VSIG4: variants seen among roughly 807,000 people sequenced by gnomAD.
The protein encoded by VSIG4 is V-set and immunoglobulin domain containing 4.
A neutral mutation model predicts 23.4 loss-of-function variants in VSIG4; 34 were observed. The ratio of observed to expected loss-of-function variants is 1.45; its 90% CI spans 1.10 to 1.93. The LOEUF is 1.93. Ranked by LOEUF, VSIG4 falls within the 30% of genes most tolerant of loss-of-function variation. The pLI, the probability that VSIG4 is intolerant of heterozygous loss-of-function variation, is 0.00. For missense variants in VSIG4, 433 were observed against 310.8 expected (o/e 1.39, Z -2.96); for synonymous variants, 169 against 120.3 (o/e 1.41, Z -2.65).
At chrX:66,039,910 A>G (rs2085663989) in intron 1 of VSIG4, 34 bp downstream of exon 1, 6 of 1,207,062 alleles carry the variant, frequency 5.0e-6, no homozygotes, top group Non-Finnish European at 6.7e-6. Context: ...TGCCTAAGCC[A>G]GCAATGGCAG....
At chrX:66,031,324 T>C (rs1395455405) in intron 3 of VSIG4, among the ~76,000 whole-genome samples, 1 of 109,868 alleles carries the variant, frequency 9.1e-6, no homozygotes, top group Non-Finnish European at 1.9e-5. Context: ...GACCAGACTG[T>C]CAGCTCTTAG....
At chrX:66,036,945 ATATAT>A (rs1438227732) in intron 1 of VSIG4, among the ~76,000 whole-genome samples, 1 of 33,513 alleles carries the variant, frequency 3.0e-5, no homozygotes. Flanking sequence ...ATATTATATG[ATATAT>A]TATATTATAT....
chrX:66,034,556 T>A (rs770480171), intron 1 of VSIG4, among the ~76,000 whole-genome samples: 2 of 112,129 alleles, frequency 1.8e-5, no homozygotes, highest in East Asian at 5.6e-4. Context: ...TTTTTTCTGA[T>A]TTCTTTTGTT....
rs188842426 is a variant in VSIG4 at position 66,025,263 on chromosome X, C to T, written c.836-134G>A. 4.4e-4 allele frequency: 187 copies of T among 420,496 alleles called. 3 individuals carry two copies. In the East Asian group the frequency reaches 7.6e-3, roughly 17 times the overall value. 34.7% of individuals were successfully genotyped at this position (420,496 alleles called of 1,213,427 possible). On this transcript the variant is annotated intron_variant, in intron 5 of 7. Transcript: ENST00000374737. Reference sequence around the variant, plus strand: ...ATATTCTCCTAACCTTCTTAGCTAGCCAGAGAGAAAAAACTCCAGTCCCAT... The same window carrying T: ...ATATTCTCCTAACCTTCTTAGCTAGTCAGAGAGAAAAAACTCCAGTCCCAT...
chrX:66,037,947 C>G (rs1395113797), intron 1 of VSIG4, among the ~76,000 whole-genome samples: 1 of 108,525 alleles, frequency 9.2e-6, no homozygotes, highest in East Asian at 2.9e-4. Context: ...TTCTAGGTCT[C>G]TTTCTGAATC....
Position 66,022,073 on chromosome X carries a change from C to G in VSIG4, c.*190G>C, listed in dbSNP as rs1348006178. Reference sequence around the variant, plus strand: ...ATACTAGAAGGGCCCAGAGCCAAATCCAGCAGCTGGCTTACTTGAGATGCA... The same window carrying G: ...ATACTAGAAGGGCCCAGAGCCAAATGCAGCAGCTGGCTTACTTGAGATGCA... On this transcript the variant is annotated 3_prime_UTR_variant, in exon 8 of 8. Coordinates refer to ENST00000374737, the MANE Select transcript of VSIG4 (RefSeq NM_007268.3). The G allele has an allele frequency of 1.7e-6, 2 of 1,163,417 alleles. No individual in the cohort carries two copies. The highest frequency in any genetic ancestry group is 3.6e-5 in the African/African-American group (2 of 55,667).
chrX:66,022,438 C>T lies in VSIG4; in HGVS notation c.1025G>A (p.Gly342Asp), dbSNP rs754990075. The T allele has an allele frequency of 2.5e-6, 3 of 1,210,797 alleles. No homozygotes were observed. The African/African-American group carries it at 5.2e-5, about 21-fold the overall frequency. The part of the protein sequence containing the change: ...ETMRVAIFAS[G>D]CSSDEPTSQN... ...GGAAGTTGGCTCATCACTGGAGCAG[C>T]CACTTGCGAAGATGGCCACCCTCAT... The change falls in exon 8 of 8, where the codon GGC becomes GAC. Residue 342 changes from glycine (G) to aspartate (D), a missense_variant. Transcript: ENST00000374737.
rs1241320943 is a variant in VSIG4 at position 66,040,057 on chromosome X, C to T, written c.-59G>A. 4.5e-5 allele frequency: 52 copies of T among 1,154,862 alleles called. No homozygotes were observed. In the South Asian group the frequency reaches 7.6e-4, roughly 17 times the overall value. ...CCTCCTGCTACCAAAGAGGCTCAAA[C>T]TTCTGGTGGCCGCCAGCGTCTGTGA... On this transcript the variant is annotated 5_prime_UTR_variant, in exon 1 of 8. Transcript: ENST00000374737.
intron 2 of VSIG4, 76 bp from the exon 3 acceptor site, chrX:66,032,825 T>G: frequency 9.4e-7 from 1 of 1,069,377 alleles, no homozygotes; most frequent in Non-Finnish European, 1.3e-6. Context: ...TCATTCTTGT[T>G]GGGCGTAAGG....
chrX:66,032,880 T>C, intron 2 of VSIG4, 131 bp from the exon 3 acceptor site: 3 of 716,763 alleles, frequency 4.2e-6, no homozygotes, highest in Non-Finnish European at 6.0e-6. Context: ...CTTCTGACTT[T>C]GGAGGAAATA....
At chrX:66,029,899 G>T (rs1405233577) in intron 3 of VSIG4, among the ~76,000 whole-genome samples, 1 of 111,469 alleles carries the variant, frequency 9.0e-6, no homozygotes, top group Non-Finnish European at 1.9e-5. Context: ...AATAAATACA[G>T]ATAATATTAT....
At chrX:66,029,253 A>ACCTTTTGAGAAAGGTTTACTT (rs1265503961) in intron 3 of VSIG4, among the ~76,000 whole-genome samples, 3 of 111,768 alleles carry the variant, frequency 2.7e-5, no homozygotes, top group East Asian at 2.8e-4. Flanking sequence ...AGAAGGTTAC[A>ACCTTTTGAGAAAGGTTTACTT]CCTTTTGAGA....
chrX:66,039,882 A>T, intron 1 of VSIG4, 62 bp downstream of exon 1: 2 of 1,183,066 alleles, frequency 1.7e-6, no homozygotes, highest in Middle Eastern at 2.3e-4. Context: ...GACATTAAAC[A>T]CCAACCCTCT....
chrX:66,033,795 C>T lies in VSIG4; in HGVS notation c.91G>A (p.Gly31Arg). ...AGATTCACATCCCCTTTCCAAGGTC[C>T]TGTTACACTCTCTGGCACTTCCAGG... ...PILEVPESVTGPWKGDVNLPC... is the reference protein window; with the variant it reads ...PILEVPESVTRPWKGDVNLPC... The change falls in exon 2 of 8, where the codon GGA (glycine) becomes AGA (arginine). Residue 31 changes from glycine (G) to arginine (R), a missense_variant. Coordinates refer to ENST00000374737, the MANE Select transcript of VSIG4 (RefSeq NM_007268.3). The T allele has an allele frequency of 5.0e-6, 6 of 1,209,715 alleles. No homozygotes were observed. Among genetic ancestry groups the T allele is most frequent in the Non-Finnish European group, 6.7e-6 (6 of 894,504 alleles).
chrX:66,024,140 C>T (rs1371347973), intron 6 of VSIG4, among the ~76,000 whole-genome samples: 1 of 112,327 alleles, frequency 8.9e-6, no homozygotes, highest in Admixed American at 9.4e-5. Flanking sequence ...CAAATTGATG[C>T]TAGGCAACAT....
rs201461141 is a variant in VSIG4 at position 66,032,682 on chromosome X, C to A, written c.480G>T (p.Arg160Ser). 41 of 1,209,649 alleles carry A rather than the reference C, an allele frequency of 3.4e-5. No homozygotes were observed. In the Admixed American group the frequency reaches 8.5e-4, roughly 25 times the overall value. ...GYGFTVPQGM[R>S]ISLQCQARGS... Reference sequence around the variant, plus strand: ...CCCGAGCCTGGCATTGAAGGCTAATCCTCATTCCCTGGGGCACCGTGAAGC... The same window carrying A: ...CCCGAGCCTGGCATTGAAGGCTAATACTCATTCCCTGGGGCACCGTGAAGC... Residue 160 changes from arginine (R) to serine (S), a missense_variant, in exon 3 of 8, where the codon AGG becomes AGT. Arg to Ser is a moderately radical substitution (Grantham distance 110, BLOSUM62 -1). Coordinates refer to ENST00000374737, the MANE Select transcript of VSIG4 (RefSeq NM_007268.3).
rs764671225 is a variant in VSIG4, at chrX:66,039,992, T to G, written c.7A>C (p.Ile3Leu). Residue 3 changes from isoleucine (I) to leucine (L), a missense_variant, in exon 1 of 8, where the codon ATC becomes CTC. Ile to Leu is a conservative substitution (Grantham distance 5). Coordinates refer to ENST00000374737, the MANE Select transcript of VSIG4 (RefSeq NM_007268.3). Reference sequence around the variant, plus strand: ...CCCAGGAGTAGCAGGCCCAGTAAGATCCCCATCACAGCCAGAGCTACTTCT... The same window carrying G: ...CCCAGGAGTAGCAGGCCCAGTAAGAGCCCCATCACAGCCAGAGCTACTTCT... MGILLGLLLLGHL... is the reference protein window; with the variant it reads MGLLLGLLLLGHL... The G allele has an allele frequency of 2.6e-5, 31 of 1,211,568 alleles. No homozygotes were observed. The highest frequency in any genetic ancestry group is 3.5e-5 in the Non-Finnish European group (31 of 895,319).
intron 1 of VSIG4, among the ~76,000 whole-genome samples, chrX:66,036,923 A>T (rs1192585500): frequency 4.6e-4 from 18 of 39,127 alleles, no homozygotes; most frequent in Admixed American, 2.1e-3. Context: ...ATGATATATT[A>T]TATTATATGA....
rs747335507 is a variant in VSIG4, at chrX:66,033,511, G to A, written c.375C>T (p.Val125=). The A allele has an allele frequency of 5.8e-6, 7 of 1,208,663 alleles. No individual in the cohort carries two copies. Among genetic ancestry groups the A allele is most frequent in the African/African-American group, 3.5e-5 (2 of 57,089 alleles). Residue 125 remains valine, a synonymous_variant, in exon 2 of 8, where the codon GTC becomes GTT. Coordinates refer to ENST00000374737, the MANE Select transcript of VSIG4 (RefSeq NM_007268.3). ...GGAGCTCAGTAATCTTATCTCTCACGACTTGGTTGCCATCAGGAGTCTGCC... is the reference window on the plus strand; with the variant it reads ...GGAGCTCAGTAATCTTATCTCTCACAACTTGGTTGCCATCAGGAGTCTGCC... The part of the protein sequence containing the change: ...VTWQTPDGNQ[V]VRDKITELRV...
Sources: gnomAD v4.1 joint callset for allele counts (sites outside exome capture counted in the v4.1 genomes callset) on GRCh38, gnomAD v4.1.1 for gene constraint, MANE v1.5 for transcripts, NCBI Gene and HGNC (gene_info 2026-07-23, HGNC 2026-07-21) for gene names.